FAM83B: variants seen among roughly 807,000 people sequenced by gnomAD.
FAM83B encodes the protein protein FAM83B.
In FAM83B, 26 loss-of-function variants were observed where a neutral mutation model predicts 38.8. That is an observed-to-expected ratio of 0.67 (90% CI 0.49 to 0.93). The LOEUF (loss-of-function observed/expected upper bound fraction) is 0.93, where lower values mean the gene tolerates loss of function less well. Among genes scored for constraint, FAM83B ranks in the 40% least tolerant of loss-of-function variants. FAM83B has a pLI of 0.00. For missense variants in FAM83B, 1,237 were observed against 1,197.3 expected (o/e 1.03, Z -0.49); for synonymous variants, 419 against 423.1 (o/e 0.99, Z 0.12).
chr6:54,921,929 T>C lies in FAM83B; in HGVS notation c.445-4442T>C, dbSNP rs368283812. Among the ~76,000 whole-genome samples the C allele has an allele frequency of 9.9e-5, 15 of 152,194 alleles. 3 individuals are homozygous for C. Among genetic ancestry groups the C allele is most frequent in the African/African-American group, 3.4e-4 (14 of 41,580 alleles). On this transcript the variant is annotated intron_variant, in intron 2 of 4. Coordinates refer to ENST00000306858, the MANE Select transcript of FAM83B (RefSeq NM_001010872.3). ...ACATTATATTTTGCCTTTTGCAGCA[T>C]AGCTAGAAGTTACTGTAGATTTCAT... is the stretch of plus-strand genomic sequence containing the variant.
chr6:54,924,971 TA>T (rs1332895680), intron 2 of FAM83B, among the ~76,000 whole-genome samples: 2 of 152,172 alleles, frequency 1.3e-5, no homozygotes, highest in African/African-American at 4.8e-5. Flanking sequence ...AGCCCTTTAA[TA>T]GCTTACAGTC....
At chr6:54,898,706 C>T (rs964405679) in intron 2 of FAM83B, among the ~76,000 whole-genome samples, 1 of 152,148 alleles carries the variant, frequency 6.6e-6, no homozygotes, top group African/African-American at 2.4e-5. Flanking sequence ...TCCTCTTTCC[C>T]GTACCTTTCC....
At chr6:54,903,527 G>T (rs2127582709) in intron 2 of FAM83B, among the ~76,000 whole-genome samples, 1 of 152,192 alleles carries the variant, frequency 6.6e-6, no homozygotes, top group Admixed American at 6.5e-5. Flanking sequence ...AGTTTAATTT[G>T]CAGTCATCTG....
chr6:54,896,722 T>C (rs895765253), intron 2 of FAM83B, among the ~76,000 whole-genome samples: 18 of 152,236 alleles, frequency 1.2e-4, no homozygotes, highest in Non-Finnish European at 4.4e-5. Flanking sequence ...ATTTAAATTA[T>C]GTTCTGGACA....
chr6:54,923,049 T>C (rs1206263509), intron 2 of FAM83B, among the ~76,000 whole-genome samples: 1 of 152,090 alleles, frequency 6.6e-6, no homozygotes, highest in Non-Finnish European at 1.5e-5. Flanking sequence ...CTTTCAAAAG[T>C]AGGAAGAATA....
At chr6:54,917,838 G>A (rs1264533510) in intron 2 of FAM83B, among the ~76,000 whole-genome samples, 1 of 152,060 alleles carries the variant, frequency 6.6e-6, no homozygotes, top group Non-Finnish European at 1.5e-5. Flanking sequence ...TTCTGTTTTA[G>A]CAAGTTGCCT....
At chr6:54,880,441 CTTTT>C (rs1180941250) in intron 2 of FAM83B, among the ~76,000 whole-genome samples, 3 of 106,214 alleles carry the variant, frequency 2.8e-5, no homozygotes, top group Non-Finnish European at 5.4e-5. Flanking sequence ...TAGAAGGTTT[CTTTT>C]TTTTTTTTTT....
chr6:54,868,254 G>A (rs1028324657), intron 1 of FAM83B, among the ~76,000 whole-genome samples: 1 of 152,020 alleles, frequency 6.6e-6, no homozygotes, highest in African/African-American at 2.4e-5. Flanking sequence ...AATATGGATG[G>A]CTGTCTCATG....
chr6:54,943,530 C>T lies in FAM83B; in HGVS notation c.*1523C>T, dbSNP rs1198320659. 6.6e-6 allele frequency: 1 copy of T among 152,016 alleles called. No individual in the cohort carries two copies. The highest frequency in any genetic ancestry group is 1.9e-4 in the East Asian group (1 of 5,194). The allele number at this position is 152,016 out of a possible 1,614,324, so 9.4% of individuals were successfully genotyped here. A position where few individuals can be genotyped will look rare whatever the true frequency, so the allele number is the denominator to read the frequency against. ...TTGTTTTAAAAATGCAAGATTCAGACAAATTTTAATATTGTCTCATTAAAA... is the reference window on the plus strand; with the variant it reads ...TTGTTTTAAAAATGCAAGATTCAGATAAATTTTAATATTGTCTCATTAAAA... On this transcript the variant is annotated 3_prime_UTR_variant, in exon 5 of 5. Coordinates refer to ENST00000306858, the MANE Select transcript of FAM83B (RefSeq NM_001010872.3).
rs770234600 is a variant in FAM83B at position 54,870,261 on chromosome 6, A to T, written c.15A>T (p.Ser5=). The change falls in exon 2 of 5, where the codon TCA becomes TCT. Residue 5 remains serine, a synonymous_variant. Transcript: ENST00000306858. METS[S]MLSSLNDECK... Reference sequence around the variant, plus strand: ...CACTTGCAAGCATGGAGACCTCATCAATGCTTTCCTCATTGAATGATGAGT... The same window carrying T: ...CACTTGCAAGCATGGAGACCTCATCTATGCTTTCCTCATTGAATGATGAGT... 6.2e-7 allele frequency: 1 copy of T among 1,612,798 alleles called. No individual in the cohort carries two copies. The highest frequency in any genetic ancestry group is 8.5e-7 in the Non-Finnish European group (1 of 1,179,008).
At chr6:54,904,627 TG>T (rs1437481609) in intron 2 of FAM83B, among the ~76,000 whole-genome samples, 2 of 152,216 alleles carry the variant, frequency 1.3e-5, no homozygotes. Flanking sequence ...ATTCATTCCA[TG>T]GGTGTACCAA....
intron 2 of FAM83B, among the ~76,000 whole-genome samples, chr6:54,900,127 T>C (rs1772628289): frequency 1.3e-5 from 2 of 152,222 alleles, no homozygotes; most frequent in South Asian, 4.1e-4. Context: ...GTTTTTGTTG[T>C]ACATTCATTT....
intron 1 of FAM83B, among the ~76,000 whole-genome samples, chr6:54,850,280 G>T (rs1771242268): frequency 1.3e-5 from 2 of 152,104 alleles, no homozygotes; most frequent in Non-Finnish European, 2.9e-5. Flanking sequence ...CATTCTTTAG[G>T]CTTGCAGGTT....
Position 54,870,574 on chromosome 6 carries a change from T to C in FAM83B, c.328T>C (p.Tyr110His). The part of the protein sequence containing the change: ...EAPNLDLGWP[Y>H]VMPGLLGGTH... ...TCCAAATCTTGACTTAGGCTGGCCA[T>C]ATGTGATGCCCGGACTCTTAGGGGG... The change falls in exon 2 of 5, where the codon TAT becomes CAT. Residue 110 changes from tyrosine to histidine, a missense_variant. By Grantham distance (83) the Tyr-to-His change is moderately conservative. Coordinates refer to ENST00000306858, the MANE Select transcript of FAM83B (RefSeq NM_001010872.3). 1.2e-6 allele frequency: 2 copies of C among 1,614,062 alleles called. No homozygotes were observed. Among genetic ancestry groups the C allele is most frequent in the South Asian group, 1.1e-5 (1 of 91,088 alleles).
At chr6:54,903,117 G>T (rs1259556409) in intron 2 of FAM83B, among the ~76,000 whole-genome samples, 1 of 151,732 alleles carries the variant, frequency 6.6e-6, no homozygotes, top group Non-Finnish European at 1.5e-5. Context: ...TCAATAAGTG[G>T]GTTTATTTCA....
chr6:54,872,996 T>TC (rs1202253846), intron 2 of FAM83B, among the ~76,000 whole-genome samples: 1 of 151,010 alleles, frequency 6.6e-6, no homozygotes, highest in Admixed American at 6.6e-5. Flanking sequence ...CACATGGTTT[T>TC]TGTTTTTAAT....
intron 1 of FAM83B, among the ~76,000 whole-genome samples, chr6:54,859,610 G>T (rs1771529081): frequency 6.6e-6 from 1 of 152,218 alleles, no homozygotes; most frequent in South Asian, 2.1e-4. Flanking sequence ...ATGTGTTAGG[G>T]ATTACTGTGG....
intron 1 of FAM83B, among the ~76,000 whole-genome samples, chr6:54,866,445 A>T (rs1000012911): frequency 1.3e-5 from 2 of 152,096 alleles, no homozygotes; most frequent in Non-Finnish European, 2.9e-5. Context: ...AACTACAAAA[A>T]TTCCTCTGAT....
At chr6:54,862,870 C>A (rs921654184) in intron 1 of FAM83B, among the ~76,000 whole-genome samples, 1 of 148,886 alleles carries the variant, frequency 6.7e-6, no homozygotes, top group African/African-American at 2.5e-5. Context: ...GGTGCAAAAA[C>A]CCCCCCCCAA....
Sources: allele counts gnomAD v4.1 joint callset (sites outside exome capture counted in the v4.1 genomes callset), GRCh38; gene constraint gnomAD v4.1.1; transcripts MANE v1.5; gene names NCBI Gene and HGNC (gene_info 2026-07-23, HGNC 2026-07-21).